The following IQCJ variants were observed in gnomAD, a reference collection of about 807,000 sequenced individuals.
IQCJ encodes the protein IQ motif containing J.
IQCJ carries 9 observed loss-of-function variants against 11.0 expected under a neutral mutation model. That is an observed-to-expected ratio of 0.82 (90% CI 0.49 to 1.43). The LOEUF (loss-of-function observed/expected upper bound fraction) is 1.43, where lower values mean the gene tolerates loss of function less well. Ranked by LOEUF, IQCJ falls within the 40% of genes most tolerant of loss-of-function variation. The pLI, the probability that IQCJ is intolerant of heterozygous loss-of-function variation, is 0.00. For missense variants in IQCJ, 146 were observed against 133.2 expected, an observed-to-expected ratio of 1.10 and a Z score of -0.47; for synonymous variants, 55 against 51.3, an observed-to-expected ratio of 1.07 and a Z score of -0.31.
chr3:159,217,589 T>C (rs1725303570), intron 1 of IQCJ, among the ~76,000 whole-genome samples: 1 of 152,190 alleles, frequency 6.6e-6, no homozygotes, highest in Admixed American at 6.5e-5. Context: ...AAGGTGATGT[T>C]ACTTCTTACC....
intron 1 of IQCJ, among the ~76,000 whole-genome samples, chr3:159,147,875 C>T (rs911547050): frequency 1.3e-5 from 2 of 152,178 alleles, no homozygotes; most frequent in Admixed American, 6.5e-5. Flanking sequence ...GCAAGAGAAT[C>T]GTGGAATCGT....
intron 1 of IQCJ, among the ~76,000 whole-genome samples, chr3:159,224,467 C>T (rs1030946376): frequency 6.6e-6 from 1 of 152,060 alleles, no homozygotes; most frequent in Non-Finnish European, 1.5e-5. Flanking sequence ...ACTGAATAAG[C>T]AAACAGTAGA....
At position 159,245,485 on chromosome 3, in the gene IQCJ, G is replaced by C. The variant is rs1311439452; in HGVS notation, c.10-358G>C. Among the ~76,000 whole-genome samples the C allele has an allele frequency of 6.3e-5, 7 of 110,840 alleles. No individual in the cohort carries two copies. In the South Asian group the frequency reaches 2.2e-3, roughly 34 times the overall value. 72.7% of individuals were successfully genotyped at this position (110,840 alleles called of 152,430 possible). ...TTTTTTTTTTTTTTTTTTTTGAGAT[G>C]GAGTCTCACTCTGTCGCCCAGGCTG... On this transcript the variant is annotated intron_variant, in intron 1 of 3. Coordinates refer to ENST00000397832, the MANE Select transcript of IQCJ (RefSeq NM_001042706.3).
At chr3:159,103,586 A>C (rs1225957036) in intron 1 of IQCJ, among the ~76,000 whole-genome samples, 1 of 152,222 alleles carries the variant, frequency 6.6e-6, no homozygotes, top group Non-Finnish European at 1.5e-5. Flanking sequence ...TTTTGAAATA[A>C]AATATTTATG....
At chr3:159,144,509 A>G (rs1032010717) in intron 1 of IQCJ, among the ~76,000 whole-genome samples, 5 of 152,186 alleles carry the variant, frequency 3.3e-5, no homozygotes, top group Non-Finnish European at 5.9e-5. Context: ...ATAGATGAGA[A>G]TCAGCAATGT....
chr3:159,167,799 T>G (rs908390696), intron 1 of IQCJ, among the ~76,000 whole-genome samples: 3 of 152,208 alleles, frequency 2.0e-5, no homozygotes, highest in Non-Finnish European at 4.4e-5. Flanking sequence ...ATATATTTTG[T>G]CTATATCTAA....
chr3:159,181,495 C>A (rs952051123), intron 1 of IQCJ, among the ~76,000 whole-genome samples: 1 of 150,350 alleles, frequency 6.7e-6, no homozygotes, highest in Non-Finnish European at 1.5e-5. Flanking sequence ...CTGAACTGAA[C>A]TTTAGGCTCA....
intron 2 of IQCJ, among the ~76,000 whole-genome samples, chr3:159,250,030 ATTAAC>A (rs1727504470): frequency 6.6e-6 from 1 of 152,250 alleles, no homozygotes; most frequent in South Asian, 2.1e-4. Context: ...AAAATCACTT[ATTAAC>A]TTAAGTAAGA....
chr3:159,078,124 CAT>C (rs1716060744), intron 1 of IQCJ, among the ~76,000 whole-genome samples: 1 of 148,962 alleles, frequency 6.7e-6, no homozygotes, highest in Non-Finnish European at 1.5e-5. Context: ...AGAGAGGAAA[CAT>C]TAAATCAAAA....
intron 1 of IQCJ, among the ~76,000 whole-genome samples, chr3:159,139,240 T>C (rs1188361951): frequency 6.6e-6 from 1 of 152,206 alleles, no homozygotes; most frequent in Non-Finnish European, 1.5e-5. Context: ...TCCTAAGTTC[T>C]GTCAACAGTT....
At chr3:159,115,413 G>A (rs1202380177) in intron 1 of IQCJ, among the ~76,000 whole-genome samples, 4 of 152,186 alleles carry the variant, frequency 2.6e-5, no homozygotes, top group African/African-American at 9.7e-5. Context: ...GTCAAAATTT[G>A]GTTTGGGAGC....
At chr3:159,159,843 C>A (rs187719537) in intron 1 of IQCJ, among the ~76,000 whole-genome samples, 1 of 152,042 alleles carries the variant, frequency 6.6e-6, no homozygotes, top group African/African-American at 2.4e-5. Context: ...CTCTTTCTGT[C>A]TCTCTCTCAT....
Position 159,263,078 on chromosome 3 carries a change from AATTGAAAGTGG to A in IQCJ, c.*348_*358del. 1 of 998,006 alleles carries A rather than the reference AATTGAAAGTGG, an allele frequency of 1.0e-6. No homozygotes were observed. Among genetic ancestry groups the A allele is most frequent in the Admixed American group, 5.6e-5 (1 of 17,874 alleles). 61.8% of individuals were successfully genotyped at this position (998,006 alleles called of 1,614,324 possible). On this transcript the variant is annotated 3_prime_UTR_variant, in exon 4 of 4. Transcript: ENST00000397832. The stretch of plus-strand genomic sequence containing the variant: ...GTAGAAAGAGAACTTTTACCAGAAG[AATTGAAAGTGG>A]TCACACACTCAGGGGTTGCAACTTA...
intron 1 of IQCJ, among the ~76,000 whole-genome samples, chr3:159,136,328 C>A (rs1193239208): frequency 6.6e-6 from 1 of 152,150 alleles, no homozygotes; most frequent in Non-Finnish European, 1.5e-5. Flanking sequence ...ATTGCCATGG[C>A]CTTTGGGAAG....
intron 1 of IQCJ, among the ~76,000 whole-genome samples, chr3:159,091,847 A>C (rs1383404051): frequency 6.6e-6 from 1 of 151,786 alleles, no homozygotes; most frequent in Non-Finnish European, 1.5e-5. Flanking sequence ...TCTAAAAAGA[A>C]AGAGAAAGGA....
intron 3 of IQCJ, among the ~76,000 whole-genome samples, chr3:159,260,209 C>T (rs1399588216): frequency 6.6e-6 from 1 of 152,122 alleles, no homozygotes; most frequent in Non-Finnish European, 1.5e-5. Context: ...CCTCTCATCT[C>T]AGTTTTGCCC....
At chr3:159,153,974 A>G (rs553671206) in intron 1 of IQCJ, among the ~76,000 whole-genome samples, 1 of 152,222 alleles carries the variant, frequency 6.6e-6, no homozygotes, top group Admixed American at 6.5e-5. Flanking sequence ...TCCTCCCCAA[A>G]TTCTGTAAGT....
Position 159,263,265 on chromosome 3 carries a change from A to G in IQCJ, c.*534A>G. 1 of 334,218 alleles carries G rather than the reference A, an allele frequency of 3.0e-6. No homozygotes were observed. Among genetic ancestry groups the G allele is most frequent in the South Asian group, 1.2e-4 (1 of 8,414 alleles). 20.7% of individuals were successfully genotyped at this position (334,218 alleles called of 1,614,324 possible). On this transcript the variant is annotated 3_prime_UTR_variant, in exon 4 of 4. Coordinates refer to ENST00000397832, the MANE Select transcript of IQCJ (RefSeq NM_001042706.3). ...TGTGGCGATACAGGCAGGCATGGCC[A>G]AATGTGATTTTCTTTCTTCAGGACA...
chr3:159,079,603 A>G (rs867665303), intron 1 of IQCJ, among the ~76,000 whole-genome samples: 1 of 152,152 alleles, frequency 6.6e-6, no homozygotes, highest in Non-Finnish European at 1.5e-5. Flanking sequence ...GTATATAGCC[A>G]TTGAAACTTT....
Sources: allele counts gnomAD v4.1 joint callset (sites outside exome capture counted in the v4.1 genomes callset), GRCh38; gene constraint gnomAD v4.1.1; transcripts MANE v1.5; gene names NCBI Gene and HGNC (gene_info 2026-07-23, HGNC 2026-07-21).